The following LLGL2 variants were observed in gnomAD, a reference collection of about 807,000 sequenced individuals.
The protein encoded by LLGL2 is LLGL scribble cell polarity complex component 2, also known as LLGL2, scribble cell polarity complex component.
LLGL2 carries 81 observed loss-of-function variants against 123.2 expected under a neutral mutation model. That is an observed-to-expected ratio of 0.66 (90% CI 0.55 to 0.79). The LOEUF is 0.79. Among genes scored for constraint, LLGL2 ranks in the 30% least tolerant of loss-of-function variants. The probability of loss-of-function intolerance (pLI) is 0.00; values close to 1 mark genes in which losing one functional copy is unlikely to be tolerated. For synonymous variants in LLGL2, 577 were observed against 594.1 expected, an observed-to-expected ratio of 0.97 and a Z score of 0.42; for missense variants, 1,273 against 1,414.6, an observed-to-expected ratio of 0.90 and a Z score of 1.61.
chr17:75,560,821 A>AC (rs2055178236), intron 6 of LLGL2, among the ~76,000 whole-genome samples: 6 of 110,990 alleles, frequency 5.4e-5, no homozygotes, highest in African/African-American at 2.0e-4. Flanking sequence ...AAAAAAAAAA[A>AC]AAAAAAAAAA....
chr17:75,572,100 C>T (rs1173559777), intron 19 of LLGL2, 36 bp downstream of exon 19: 2 of 1,588,698 alleles, frequency 1.3e-6, no homozygotes, highest in African/African-American at 1.3e-5. Context: ...CCCTGGGACT[C>T]CCCGGGACAT....
chr17:75,560,802 T>TAAAAAAAAAAAAAAA (rs372940306), intron 6 of LLGL2, among the ~76,000 whole-genome samples: 1 of 96,064 alleles, frequency 1.0e-5, no homozygotes, highest in Non-Finnish European at 2.1e-5. Flanking sequence ...GTTTATTTAT[T>TAAAAAAAAAAAAAAA]AAAAAAAAAA....
rs1247821190 is a variant in LLGL2, at chr17:75,556,068, A to G, written c.98A>G (p.His33Arg). The G allele has an allele frequency of 6.2e-7, 1 of 1,609,188 alleles. No individual in the cohort carries two copies. ...FNKTVEHGFP[H>R]QPSALGYSPS... ...CAGACGGTGGAGCATGGCTTCCCGC[A>G]CCAGCCCAGCGCCCTCGGCTACAGC... The change falls in exon 3 of 26, where the codon CAC becomes CGC. Residue 33 changes from histidine (H) to arginine (R), a missense_variant. Coordinates refer to ENST00000392550, the MANE Select transcript of LLGL2 (RefSeq NM_001031803.2).
intron 1 of LLGL2, among the ~76,000 whole-genome samples, chr17:75,542,346 G>A (rs2054246862): frequency 6.6e-6 from 1 of 152,058 alleles, no homozygotes; most frequent in African/African-American, 2.4e-5. Flanking sequence ...ACCTGTCCCT[G>A]CCTGGAGCAC....
At chr17:75,545,009 C>T (rs1166517749) in intron 2 of LLGL2, among the ~76,000 whole-genome samples, 3 of 152,012 alleles carry the variant, frequency 2.0e-5, no homozygotes, top group Admixed American at 6.5e-5. Context: ...TCGGTGTCCA[C>T]GGGAGATGGA....
At position 75,559,315 on chromosome 17, in the gene LLGL2, C is replaced by A. The variant is rs2055089967; in HGVS notation, c.435C>A (p.Tyr145Ter). The change falls in exon 6 of 26, where the codon TAC becomes TAA. Residue 145 changes from tyrosine (Y) to a stop codon, truncating the protein, a stop_gained. Transcript: ENST00000392550. LOFTEE classifies it high-confidence loss of function. This position sits in a 1 kb window ranked among gnomAD's most constrained non-coding sequence, Gnocchi z 4.6. ...CACATTCCTCCTGCGAGCTGCTCTA[C>A]CTGGGCACCGAGAGTGGCAACGTGT... ...VLPHSSCELL[Y>*]LGTESGNVFV... 1 of 1,613,618 alleles carries A rather than the reference C, an allele frequency of 6.2e-7. No individual in the cohort carries two copies. Among genetic ancestry groups the A allele is most frequent in the Non-Finnish European group, 8.5e-7 (1 of 1,179,974 alleles).
In LLGL2 at chr17:75,559,133, A is replaced by G; in HGVS notation, c.372-119A>G. ...TGACCAATGTTTGTCCTGGCTTGAA[A>G]TGTTATGACCTCATTAAAGGGCCTT... On this transcript the variant is annotated intron_variant, in intron 5 of 25. Coordinates refer to ENST00000392550, the MANE Select transcript of LLGL2 (RefSeq NM_001031803.2). The surrounding 1 kb of genome is among the most constrained non-coding windows in gnomAD (Gnocchi z 4.6). 3.8e-6 allele frequency: 4 copies of G among 1,062,852 alleles called. No individual in the cohort carries two copies. Among genetic ancestry groups the G allele is most frequent in the Non-Finnish European group, 5.2e-6 (4 of 762,262 alleles). The allele number at this position is 1,062,852 out of a possible 1,614,324, so 65.8% of individuals were successfully genotyped here.
At chr17:75,528,331 G>A (rs968314890) in intron 1 of LLGL2, among the ~76,000 whole-genome samples, 15 of 152,018 alleles carry the variant, frequency 9.9e-5, no homozygotes, top group African/African-American at 3.6e-4. Context: ...TAGCCAAGAT[G>A]GTCTCGATCT....
chr17:75,559,075 T>C lies in LLGL2; in HGVS notation c.372-177T>C, dbSNP rs981786321. On this transcript the variant is annotated intron_variant, in intron 5 of 25. Coordinates refer to ENST00000392550, the MANE Select transcript of LLGL2 (RefSeq NM_001031803.2). The surrounding 1 kb of genome is among the most constrained non-coding windows in gnomAD (Gnocchi z 4.6). ...GTCTTTCCTGCCTCCTAGCCCAGGC[T>C]CTCTGCCATCTGTCTCCTGTCTTGG... 12 of 694,104 alleles carry C rather than the reference T, an allele frequency of 1.7e-5. No individual in the cohort carries two copies. Among genetic ancestry groups the C allele is most frequent in the Non-Finnish European group, 2.3e-5 (10 of 428,614 alleles). 43.0% of individuals were successfully genotyped at this position (694,104 alleles called of 1,614,324 possible).
chr17:75,540,893 G>A (rs959667636), intron 1 of LLGL2, among the ~76,000 whole-genome samples: 2 of 152,186 alleles, frequency 1.3e-5, no homozygotes, highest in Non-Finnish European at 2.9e-5. Context: ...GACATTCAGC[G>A]ACCCATGACT....
intron 1 of LLGL2, 29 bp from the exon 2 acceptor site, chr17:75,543,368 G>A: frequency 6.6e-7 from 1 of 1,519,928 alleles, no homozygotes; most frequent in Non-Finnish European, 9.0e-7. Context: ...TGCCAGGACA[G>A]ACCCCTGCAG....
intron 2 of LLGL2, 114 bp downstream of exon 2, chr17:75,543,615 A>T: frequency 1.4e-6 from 1 of 705,100 alleles, no homozygotes; most frequent in Non-Finnish European, 2.2e-6. Flanking sequence ...GACTGCCTGC[A>T]GTGCCTCTTG....
intron 1 of LLGL2, 32 bp from the exon 2 acceptor site, chr17:75,543,365 A>G (rs1296737288): frequency 6.6e-6 from 10 of 1,507,678 alleles, no homozygotes; most frequent in South Asian, 1.2e-5. Flanking sequence ...GAGTGCCAGG[A>G]CAGACCCCTG....
At chr17:75,572,687 A>G (rs1011558977) in intron 19 of LLGL2, among the ~76,000 whole-genome samples, 11 of 133,862 alleles carry the variant, frequency 8.2e-5, no homozygotes, top group African/African-American at 2.8e-4. Flanking sequence ...AAAAACCAGC[A>G]TGGTGGTGGA....
intron 3 of LLGL2, among the ~76,000 whole-genome samples, chr17:75,556,792 G>A (rs2054933684): frequency 6.6e-6 from 1 of 152,196 alleles, no homozygotes; most frequent in African/African-American, 2.4e-5. Context: ...TTGGGAGGCT[G>A]AGGCGGGCAG....
chr17:75,534,033 C>A (rs764094652), intron 1 of LLGL2, among the ~76,000 whole-genome samples: 1 of 152,234 alleles, frequency 6.6e-6, no homozygotes, highest in Non-Finnish European at 1.5e-5. Flanking sequence ...GGTAGGAGGC[C>A]CTAGAAAGGG....
intron 3 of LLGL2, among the ~76,000 whole-genome samples, chr17:75,557,592 C>G (rs1192547467): frequency 6.6e-6 from 1 of 152,238 alleles, no homozygotes; most frequent in Non-Finnish European, 1.5e-5. Context: ...AGCCTGACCT[C>G]CCTCTTCCCC....
rs982350176 is a variant in LLGL2, at chr17:75,569,821, G to A, written c.1582-142G>A. ...TGTCTCAAAAAAAAAAAAAAAAAAT[G>A]CAGGAGAGCTGGGGTTGGACAGAGG... is the stretch of plus-strand genomic sequence containing the variant. On this transcript the variant is annotated intron_variant, in intron 14 of 25. Coordinates refer to ENST00000392550, the MANE Select transcript of LLGL2 (RefSeq NM_001031803.2). 4.6e-5 allele frequency: 34 copies of A among 732,172 alleles called. 1 individual carries two copies. The highest frequency in any genetic ancestry group is 2.0e-4 in the East Asian group (7 of 34,508). 45.4% of individuals were successfully genotyped at this position (732,172 alleles called of 1,614,324 possible). A position where few individuals can be genotyped will look rare whatever the true frequency, so the allele number is the denominator to read the frequency against.
intron 12 of LLGL2, 69 bp from the exon 13 acceptor site, chr17:75,568,909 G>A (rs1242465054): frequency 1.3e-6 from 2 of 1,572,264 alleles, no homozygotes; most frequent in Non-Finnish European, 1.7e-6. Flanking sequence ...GCCCTGAGGT[G>A]GACGAGCCAG....
Sources: allele counts gnomAD v4.1 joint callset (sites outside exome capture counted in the v4.1 genomes callset), GRCh38; gene constraint gnomAD v4.1.1; non-coding constraint Gnocchi (gnomAD v3.1); transcripts MANE v1.5; gene names NCBI Gene and HGNC (gene_info 2026-07-23, HGNC 2026-07-21).